Variants in CNTN5 observed in about 807,000 individuals in gnomAD.
CNTN5 encodes the protein contactin 5.
CNTN5 carries 77 observed loss-of-function variants against 129.1 expected under a neutral mutation model. The ratio of observed to expected loss-of-function variants is 0.60; its 90% confidence interval spans 0.50 to 0.72. The LOEUF (loss-of-function observed/expected upper bound fraction) is 0.72. Among genes scored for constraint, CNTN5 ranks in the 30% least tolerant of loss-of-function variants. The probability of loss-of-function intolerance (pLI) is 0.00; values close to 1 mark genes in which losing one functional copy is unlikely to be tolerated. For synonymous variants in CNTN5, 509 were observed against 465.6 expected, an observed-to-expected ratio of 1.09 and a Z score of -1.20; for missense variants, 1,478 against 1,328.8, an observed-to-expected ratio of 1.11 and a Z score of -1.75.
At chr11:100,133,648 T>C (rs144329037) in intron 13 of CNTN5, among the ~76,000 whole-genome samples, 3 of 152,264 alleles carry the variant, frequency 2.0e-5, no homozygotes, top group Middle Eastern at 3.4e-3. Flanking sequence ...CATATGCCTC[T>C]TCTTCACTCA....
intron 8 of CNTN5, among the ~76,000 whole-genome samples, chr11:99,974,470 C>T (rs534807758): frequency 6.6e-6 from 1 of 152,238 alleles, no homozygotes; most frequent in African/African-American, 2.4e-5. Context: ...TACCAGAAAT[C>T]AAATTTAAAG....
At position 99,489,396 on chromosome 11, in the gene CNTN5, T is replaced by G. The variant is rs189568113; in HGVS notation, c.-70-66749T>G. Among the ~76,000 whole-genome samples the G allele has an allele frequency of 1.8e-3, 268 of 152,316 alleles. 2 individuals are homozygous for G. Among genetic ancestry groups the G allele is most frequent in the Non-Finnish European group, 1.8e-4 (12 of 68,040 alleles). ...AAGCTGTTAAAACAATGAACTATGA[T>G]TCCCCTAAAGATTTAGAGCACCATT... On this transcript the variant is annotated intron_variant, in intron 2 of 24. Transcript: ENST00000524871.
chr11:99,369,894 T>A (rs1388473159), intron 2 of CNTN5, among the ~76,000 whole-genome samples: 1 of 152,064 alleles, frequency 6.6e-6, no homozygotes, highest in African/African-American at 2.4e-5. Context: ...TAAAAAAAAA[T>A]TACACCAGTG....
chr11:99,740,487 T>C (rs1460291199), intron 3 of CNTN5, among the ~76,000 whole-genome samples: 3 of 152,156 alleles, frequency 2.0e-5, no homozygotes, highest in East Asian at 3.9e-4. Flanking sequence ...AATGGAATTA[T>C]CCGTTTTTGA....
intron 4 of CNTN5, among the ~76,000 whole-genome samples, chr11:99,840,653 C>A (rs1947458066): frequency 6.6e-6 from 1 of 152,014 alleles, no homozygotes; most frequent in African/African-American, 2.4e-5. Flanking sequence ...ACACAGAAAA[C>A]CATTGCTTTT....
intron 3 of CNTN5, among the ~76,000 whole-genome samples, chr11:99,588,074 T>A (rs1174019425): frequency 6.6e-6 from 1 of 152,186 alleles, no homozygotes; most frequent in Admixed American, 6.5e-5. Flanking sequence ...CCGGGCGCAG[T>A]GGCTCACGCC....
chr11:99,697,512 T>C (rs1298802090), intron 3 of CNTN5, among the ~76,000 whole-genome samples: 1 of 151,744 alleles, frequency 6.6e-6, no homozygotes, highest in Non-Finnish European at 1.5e-5. Context: ...AAAATGTGAT[T>C]AGTGCTCCAA....
intron 1 of CNTN5, among the ~76,000 whole-genome samples, chr11:99,211,668 T>G (rs1844959829): frequency 1.3e-5 from 2 of 152,044 alleles, no homozygotes; most frequent in African/African-American, 4.8e-5. Flanking sequence ...TATCAAAAAC[T>G]TCCTTACCCT....
intron 23 of CNTN5, among the ~76,000 whole-genome samples, chr11:100,346,275 G>T (rs1952276584): frequency 6.6e-6 from 1 of 152,010 alleles, no homozygotes; most frequent in Non-Finnish European, 1.5e-5. Flanking sequence ...ACCATTACTG[G>T]TGTTACTAAA....
rs1409003227 is a variant in CNTN5 at position 99,819,597 on chromosome 11, A to G, written c.109A>G (p.Ile37Val). The stretch of plus-strand genomic sequence containing the variant: ...CACTTCATATGCTGCTTTGTTAAGA[A>G]TTAAGAAGAGTTCATCTTCATCTCT... ...LSTSYAALLR[I>V]KKSSSSSLFG... The change falls in exon 4 of 25, where the codon ATT becomes GTT. Residue 37 changes from isoleucine (I) to valine (V), a missense_variant. Ile to Val is a conservative substitution (Grantham distance 29, BLOSUM62 3). Coordinates refer to ENST00000524871, the MANE Select transcript of CNTN5 (RefSeq NM_014361.4). 3.7e-6 allele frequency: 6 copies of G among 1,612,822 alleles called. No homozygotes were observed. The African/African-American group carries it at 5.3e-5, about 14-fold the overall frequency.
intron 3 of CNTN5, among the ~76,000 whole-genome samples, chr11:99,561,966 T>G (rs1317704276): frequency 2.0e-5 from 3 of 152,154 alleles, no homozygotes; most frequent in African/African-American, 7.2e-5. Flanking sequence ...CTCCAAAGTA[T>G]GCCTCCTTGG....
chr11:99,904,477 T>A (rs1949443280), intron 6 of CNTN5, among the ~76,000 whole-genome samples: 1 of 151,012 alleles, frequency 6.6e-6, no homozygotes, highest in Non-Finnish European at 1.5e-5. Flanking sequence ...GAACTCATCC[T>A]TTTTTACGGC....
At chr11:99,400,162 CT>C (rs913845374) in intron 2 of CNTN5, among the ~76,000 whole-genome samples, 5 of 152,074 alleles carry the variant, frequency 3.3e-5, no homozygotes, top group African/African-American at 1.2e-4. Flanking sequence ...CCTTTTACCC[CT>C]CTACCACCCA....
chr11:99,710,215 G>A (rs542170353), intron 3 of CNTN5, among the ~76,000 whole-genome samples: 2 of 151,760 alleles, frequency 1.3e-5, no homozygotes, highest in African/African-American at 2.4e-5. Context: ...CGCTGTTGTT[G>A]TATTTATCAT....
rs561205563 is a variant in CNTN5, at chr11:99,833,716, A to G, written c.278-11136A>G. On this transcript the variant is annotated intron_variant, in intron 4 of 24. Transcript: ENST00000524871. ...CTAGAAACTCCACTTGGAGATAGGT[A>G]GATGGGGCTTCCAGAGTCATAATTT... Among the ~76,000 whole-genome samples, 7 of 152,330 alleles carry G rather than the reference A, an allele frequency of 4.6e-5. 1 individual carries two copies. Among genetic ancestry groups the G allele is most frequent in the African/African-American group, 1.4e-4 (6 of 41,586 alleles).
chr11:99,379,280 T>G (rs1321385951), intron 2 of CNTN5, among the ~76,000 whole-genome samples: 1 of 151,058 alleles, frequency 6.6e-6, no homozygotes, highest in African/African-American at 2.4e-5. Context: ...ATTATACGAA[T>G]AACTATGATG....
chr11:99,399,747 T>A (rs1471060525), intron 2 of CNTN5, among the ~76,000 whole-genome samples: 1 of 151,990 alleles, frequency 6.6e-6, no homozygotes, highest in Non-Finnish European at 1.5e-5. Context: ...TTTGGTTTTT[T>A]TAGTTGTTCA....
chr11:100,035,420 G>A lies in CNTN5; in HGVS notation c.981-25792G>A, dbSNP rs1470864581. 1.0e-3 allele frequency among the ~76,000 whole-genome samples: 153 copies of A among 145,972 alleles called. 1 individual carries two copies. The highest frequency in any genetic ancestry group is 3.7e-3 in the African/African-American group (139 of 37,944). On this transcript the variant is annotated intron_variant, in intron 9 of 24. Transcript: ENST00000524871. ...AGTCTTTGCTATTGTGAATAGTGCC[G>A]CAATAAACATACGTGTGCATGTGTC... is the stretch of plus-strand genomic sequence containing the variant.
intron 21 of CNTN5, among the ~76,000 whole-genome samples, chr11:100,323,195 G>A (rs1053657962): frequency 2.0e-5 from 3 of 152,106 alleles, no homozygotes; most frequent in Admixed American, 6.6e-5. Context: ...ACATTACTAG[G>A]TTCTCCAATG....
Sources: gnomAD v4.1 joint callset for allele counts (sites outside exome capture counted in the v4.1 genomes callset) on GRCh38, gnomAD v4.1.1 for gene constraint, MANE v1.5 for transcripts, NCBI Gene and HGNC (gene_info 2026-07-23, HGNC 2026-07-21) for gene names.